Variants in ZNF268 observed in about 807,000 individuals in gnomAD.
ZNF268 encodes the protein zinc finger protein 268.
Under a neutral mutation model 29.3 loss-of-function variants are expected in ZNF268, and 20 were observed. The observed-to-expected ratio is 0.68, with a 90% CI of 0.48 to 0.99. The LOEUF (loss-of-function observed/expected upper bound fraction) is 0.99, where lower values mean the gene tolerates loss of function less well. Ranked by LOEUF, ZNF268 falls within the 50% of genes least tolerant of loss-of-function variation. The pLI is 0.00. For missense variants in ZNF268, 1,240 were observed against 1,121.6 expected, an observed-to-expected ratio of 1.11 and a Z score of -1.51; for synonymous variants, 429 against 376.9, an observed-to-expected ratio of 1.14 and a Z score of -1.60.
intron 5 of ZNF268, chr12:133,193,444 G>C (rs1390829855): frequency 1.4e-6 from 1 of 689,706 alleles, no homozygotes; most frequent in East Asian, 2.7e-5. Context: ...AGGCTGGAAA[G>C]TCCAAAGCCA....
rs200561453 is a variant in ZNF268 at position 133,204,168 on chromosome 12, C to T, written c.2482C>T (p.Arg828Ter). The T allele has an allele frequency of 1.8e-3, 2,708 of 1,540,656 alleles. 4 individuals are homozygous for T. The highest frequency in any genetic ancestry group is 2.2e-3 in the Non-Finnish European group (2,466 of 1,146,894). The change falls in exon 6 of 6, where the codon CGA becomes TGA. Residue 828 changes from arginine (R) to a stop codon, truncating the protein, a stop_gained. Transcript: ENST00000536435. LOFTEE classifies it low-confidence loss of function (END_TRUNC). ...GAAATCACTACTCATTGTACATGAG[C>T]GAACTCATGCAGGGGTCAACCCTTA... ...IWKSLLIVHE[R>*]THAGVNPYKC...
rs1280200218 is a variant in ZNF268, at chr12:133,213,766, G to T, written c.*9236G>T. 6.6e-6 allele frequency: 1 copy of T among 151,288 alleles called. No individual in the cohort carries two copies. Among genetic ancestry groups the T allele is most frequent in the Non-Finnish European group, 1.5e-5 (1 of 67,964 alleles). The allele number at this position is 151,288 out of a possible 1,614,324, so 9.4% of individuals were successfully genotyped here. ...TGTAATCCTAGCACTTTGGGAGGCTGAGGCAGGTGGATCACGAGGTCAGGA... is the reference window on the plus strand; with the variant it reads ...TGTAATCCTAGCACTTTGGGAGGCTTAGGCAGGTGGATCACGAGGTCAGGA... On this transcript the variant is annotated 3_prime_UTR_variant, in exon 6 of 6. Coordinates refer to ENST00000536435, the MANE Select transcript of ZNF268 (RefSeq NM_003415.3).
chr12:133,189,817 TG>T (rs1261825736), intron 3 of ZNF268, among the ~76,000 whole-genome samples: 4 of 152,368 alleles, frequency 2.6e-5, no homozygotes, highest in African/African-American at 9.6e-5. Flanking sequence ...TCTGTTTGTT[TG>T]TTTTTTTGAG....
At position 133,204,745 on chromosome 12, in the gene ZNF268, A is replaced by T. The variant is rs1296744185; in HGVS notation, c.*215A>T. On this transcript the variant is annotated 3_prime_UTR_variant, in exon 6 of 6. Transcript: ENST00000536435. ...AATACACAGGAAAACTGAATTTAGT[A>T]ACCACTCTGAAAATTTTTAGCAGCA... 4 of 418,386 alleles carry T rather than the reference A, an allele frequency of 9.6e-6. No homozygotes were observed. Among genetic ancestry groups the T allele is most frequent in the Non-Finnish European group, 1.7e-5 (4 of 238,174 alleles). The allele number at this position is 418,386 out of a possible 1,614,324, so 25.9% of individuals were successfully genotyped here.
chr12:133,195,431 G>A (rs1450327930), intron 5 of ZNF268, among the ~76,000 whole-genome samples: 1 of 152,192 alleles, frequency 6.6e-6, no homozygotes, highest in African/African-American at 2.4e-5. Context: ...TGTGCCAGGT[G>A]CAGTGGCACA....
Position 133,207,414 on chromosome 12 carries a change from G to C in ZNF268, c.*2884G>C, listed in dbSNP as rs1001184961. ...AAACCAATGTATAGCTAACAAGAAA[G>C]TCATGATATTAGGTTTAACAGACTA... is the stretch of plus-strand genomic sequence containing the variant. On this transcript the variant is annotated 3_prime_UTR_variant, in exon 6 of 6. Coordinates refer to ENST00000536435, the MANE Select transcript of ZNF268 (RefSeq NM_003415.3). The C allele has an allele frequency of 2.0e-5, 3 of 152,200 alleles. No homozygotes were observed. The highest frequency in any genetic ancestry group is 7.2e-5 in the African/African-American group (3 of 41,446). 9.4% of individuals were successfully genotyped at this position (152,200 alleles called of 1,614,324 possible).
At position 133,214,342 on chromosome 12, in the gene ZNF268, T is replaced by G. The variant is rs982560561; in HGVS notation, c.*9812T>G. On this transcript the variant is annotated 3_prime_UTR_variant, in exon 6 of 6. Coordinates refer to ENST00000536435, the MANE Select transcript of ZNF268 (RefSeq NM_003415.3). Reference sequence around the variant, plus strand: ...TGTAAAATGGTAAAGCTGCTATGACTGACCCTTGCTACAACGTGGAGGAAC... The same window carrying G: ...TGTAAAATGGTAAAGCTGCTATGACGGACCCTTGCTACAACGTGGAGGAAC... 1.3e-5 allele frequency: 2 copies of G among 152,154 alleles called. No individual in the cohort carries two copies. The highest frequency in any genetic ancestry group is 2.9e-5 in the Non-Finnish European group (2 of 68,046). The allele number at this position is 152,154 out of a possible 1,614,324, so 9.4% of individuals were successfully genotyped here.
chr12:133,199,090 G>A (rs1338259506), intron 5 of ZNF268, among the ~76,000 whole-genome samples: 1 of 152,136 alleles, frequency 6.6e-6, no homozygotes, highest in Non-Finnish European at 1.5e-5. Flanking sequence ...GGAGTGGTGA[G>A]AGAGAGCATC....
At chr12:133,184,160 C>A (rs565422638) in intron 2 of ZNF268, among the ~76,000 whole-genome samples, 3 of 151,900 alleles carry the variant, frequency 2.0e-5, no homozygotes, top group South Asian at 2.1e-4. Flanking sequence ...GGCTGGAGTG[C>A]GGTGGCGCGA....
At position 133,206,691 on chromosome 12, in the gene ZNF268, G is replaced by C. The variant is rs1956904381; in HGVS notation, c.*2161G>C. The C allele has an allele frequency of 6.6e-6, 1 of 152,152 alleles. No individual in the cohort carries two copies. The highest frequency in any genetic ancestry group is 1.5e-5 in the Non-Finnish European group (1 of 68,030). 9.4% of individuals were successfully genotyped at this position (152,152 alleles called of 1,614,324 possible). A position where few individuals can be genotyped will look rare whatever the true frequency, so the allele number is the denominator to read the frequency against. The stretch of plus-strand genomic sequence containing the variant: ...AGAAATTTTCATCCTTGAAGCGGAG[G>C]AATTTAATGATACCTGAATGCCTAA... On this transcript the variant is annotated 3_prime_UTR_variant, in exon 6 of 6. Coordinates refer to ENST00000536435, the MANE Select transcript of ZNF268 (RefSeq NM_003415.3).
At chr12:133,185,727 T>G (rs1956296117) in intron 2 of ZNF268, among the ~76,000 whole-genome samples, 2 of 151,646 alleles carry the variant, frequency 1.3e-5, no homozygotes, top group Admixed American at 1.3e-4. Context: ...TGGGCAAGAG[T>G]AGGCACAGAA....
intron 2 of ZNF268, 99 bp downstream of exon 2, chr12:133,182,129 A>G: frequency 8.2e-7 from 1 of 1,215,326 alleles, no homozygotes; most frequent in Non-Finnish European, 1.2e-6. Flanking sequence ...GAGCTTTCTC[A>G]CCCCACCGCT....
In ZNF268 at chr12:133,211,208, T is replaced by TAAA; in HGVS notation, c.*6686_*6688dup. Reference sequence around the variant, plus strand: ...TGAAAAAGTGTTTGTATGCAAAATATAAAAAAAAAACCCTAAAATTGAACA... The same window carrying TAAA: ...TGAAAAAGTGTTTGTATGCAAAATATAAAAAAAAAAAAACCCTAAAATTGAACA... On this transcript the variant is annotated 3_prime_UTR_variant, in exon 6 of 6. Coordinates refer to ENST00000536435, the MANE Select transcript of ZNF268 (RefSeq NM_003415.3). 1 of 275,874 alleles carries TAAA rather than the reference T, an allele frequency of 3.6e-6. No individual in the cohort carries two copies. The highest frequency in any genetic ancestry group is 3.0e-5 in the African/African-American group (1 of 33,444). The allele number at this position is 275,874 out of a possible 1,614,324, so 17.1% of individuals were successfully genotyped here. A position where few individuals can be genotyped will look rare whatever the true frequency, so the allele number is the denominator to read the frequency against.
In ZNF268 at chr12:133,204,262, CAA is replaced by C. The variant is rs766279990; in HGVS notation, c.2577_2578del (p.Lys862ThrfsTer3). On this transcript the variant is annotated frameshift_variant, in exon 6 of 6. Transcript: ENST00000536435. LOFTEE classifies it high-confidence loss of function. ...CTTCTTGTACACCAGAGAATGCACA[CAA>C]GAGAGAAACCATATGAATGCAGTGA... The C allele has an allele frequency of 5.5e-5, 85 of 1,548,628 alleles. No individual in the cohort carries two copies. The highest frequency in any genetic ancestry group is 2.3e-4 in the African/African-American group (17 of 73,212).
At chr12:133,183,549 A>G (rs1241603692) in intron 2 of ZNF268, among the ~76,000 whole-genome samples, 3 of 152,022 alleles carry the variant, frequency 2.0e-5, no homozygotes, top group East Asian at 1.9e-4. Flanking sequence ...ATTAGATTTC[A>G]TAACTAGTTG....
At chr12:133,190,434 T>A (rs535867941) in intron 3 of ZNF268, among the ~76,000 whole-genome samples, 5 of 152,236 alleles carry the variant, frequency 3.3e-5, no homozygotes, top group Non-Finnish European at 5.9e-5. Flanking sequence ...TAAGAGTTCC[T>A]ATTGCTCCAC....
At chr12:133,189,841 T>C (rs1956419778) in intron 3 of ZNF268, among the ~76,000 whole-genome samples, 1 of 152,236 alleles carries the variant, frequency 6.6e-6, no homozygotes, top group African/African-American at 2.4e-5. Context: ...GGAGTCTCGC[T>C]CTGTCGCCTA....
intron 2 of ZNF268, among the ~76,000 whole-genome samples, chr12:133,183,263 C>T (rs572341772): frequency 1.3e-5 from 2 of 152,104 alleles, no homozygotes; most frequent in South Asian, 2.1e-4. Flanking sequence ...GTTTTCACAA[C>T]GGATTTGAGG....
chr12:133,201,221 G>T (rs1956745526), intron 5 of ZNF268, among the ~76,000 whole-genome samples: 1 of 151,936 alleles, frequency 6.6e-6, no homozygotes, highest in African/African-American at 2.4e-5. Flanking sequence ...GATACTTTCA[G>T]CCAAATTATT....
Sources: gnomAD v4.1 joint callset for allele counts (sites outside exome capture counted in the v4.1 genomes callset) on GRCh38, gnomAD v4.1.1 for gene constraint, MANE v1.5 for transcripts, NCBI Gene and HGNC (gene_info 2026-07-23, HGNC 2026-07-21) for gene names.